CNTNAP5: variants seen among roughly 807,000 people sequenced by gnomAD.
CNTNAP5 encodes contactin associated protein family member 5.
A neutral mutation model predicts 150.2 loss-of-function variants in CNTNAP5; 72 were observed. The observed-to-expected ratio is 0.48, with a 90% CI of 0.40 to 0.58. The LOEUF is 0.58. CNTNAP5 is among the 20% of genes least tolerant of loss of function. CNTNAP5 has a pLI of 0.00. For synonymous variants in CNTNAP5, 672 were observed against 619.8 expected (o/e 1.08, Z -1.25); for missense variants, 1,636 against 1,626.2 (o/e 1.01, Z -0.10).
rs562607153 is a variant in CNTNAP5 at position 124,250,208 on chromosome 2, G to A, written c.381+7815G>A. Reference sequence around the variant, plus strand: ...TGTCCCACAGAACATGTCAAGGCAAGGCCTACTGGGCTCCGCCTGCAGAAA... The same window carrying A: ...TGTCCCACAGAACATGTCAAGGCAAAGCCTACTGGGCTCCGCCTGCAGAAA... On this transcript the variant is annotated intron_variant, in intron 3 of 23. Transcript: ENST00000682447. Among the ~76,000 whole-genome samples, 17 of 152,244 alleles carry A rather than the reference G, an allele frequency of 1.1e-4. No individual in the cohort carries two copies. The South Asian group carries it at 3.5e-3, about 32-fold the overall frequency.
intron 3 of CNTNAP5, among the ~76,000 whole-genome samples, chr2:124,387,486 A>T (rs1690960199): frequency 6.6e-6 from 1 of 152,198 alleles, no homozygotes; most frequent in Non-Finnish European, 1.5e-5. Context: ...ATGGATTATC[A>T]TTAGTTCTTA....
chr2:124,800,557 C>T (rs972213291), intron 19 of CNTNAP5, among the ~76,000 whole-genome samples: 2 of 152,144 alleles, frequency 1.3e-5, no homozygotes, highest in African/African-American at 2.4e-5. Context: ...AGTCTGGTGG[C>T]ATATTCTGTA....
At chr2:124,478,699 C>T (rs1234964512) in intron 7 of CNTNAP5, among the ~76,000 whole-genome samples, 2 of 152,178 alleles carry the variant, frequency 1.3e-5, no homozygotes, top group Non-Finnish European at 2.9e-5. Context: ...TTTGCTCCAT[C>T]ACTAAGTCAC....
chr2:124,337,723 A>G (rs563266873), intron 3 of CNTNAP5, among the ~76,000 whole-genome samples: 1 of 152,024 alleles, frequency 6.6e-6, no homozygotes, highest in South Asian at 2.1e-4. Flanking sequence ...GTTCTGTTCC[A>G]TTGGTCTATA....
At chr2:124,536,955 C>A (rs1203331768) in intron 10 of CNTNAP5, among the ~76,000 whole-genome samples, 2 of 151,838 alleles carry the variant, frequency 1.3e-5, no homozygotes, top group Non-Finnish European at 2.9e-5. Context: ...ACTTGAGAGA[C>A]CAGACACATT....
chr2:124,064,921 T>G (rs563000524), intron 1 of CNTNAP5, among the ~76,000 whole-genome samples: 23 of 152,128 alleles, frequency 1.5e-4, no homozygotes, highest in Non-Finnish European at 3.1e-4. Context: ...TTGACCCTAG[T>G]GTAGATTGCT....
intron 14 of CNTNAP5, among the ~76,000 whole-genome samples, chr2:124,747,602 C>A (rs1680633286): frequency 7.0e-6 from 1 of 142,652 alleles, no homozygotes; most frequent in African/African-American, 2.7e-5. Flanking sequence ...ATACCATCAG[C>A]TGCTGCTTCT....
At chr2:124,640,809 G>A (rs1203557866) in intron 12 of CNTNAP5, among the ~76,000 whole-genome samples, 1 of 152,076 alleles carries the variant, frequency 6.6e-6, no homozygotes, top group Non-Finnish European at 1.5e-5. Context: ...TTGACTTGGA[G>A]TCAGGTACCA....
intron 1 of CNTNAP5, among the ~76,000 whole-genome samples, chr2:124,127,843 A>T (rs1683748045): frequency 6.6e-6 from 1 of 152,212 alleles, no homozygotes; most frequent in Non-Finnish European, 1.5e-5. Flanking sequence ...TTGCTGGGAA[A>T]ACTGGCTAGC....
chr2:124,715,759 C>T (rs1679931731), intron 13 of CNTNAP5, among the ~76,000 whole-genome samples: 2 of 152,134 alleles, frequency 1.3e-5, no homozygotes, highest in Admixed American at 6.6e-5. Context: ...GGTGACAATA[C>T]TCTCCCGAAA....
At chr2:124,147,442 C>A (rs1196631894) in intron 1 of CNTNAP5, among the ~76,000 whole-genome samples, 1 of 152,138 alleles carries the variant, frequency 6.6e-6, no homozygotes, top group Admixed American at 6.5e-5. Context: ...CACCTGAGTT[C>A]TGGCTAGGGT....
At chr2:124,866,239 G>T (rs989173252) in intron 20 of CNTNAP5, among the ~76,000 whole-genome samples, 1 of 152,126 alleles carries the variant, frequency 6.6e-6, no homozygotes, top group Admixed American at 6.5e-5. Context: ...CAGCCTGGGA[G>T]ACAGAGTGAC....
At chr2:124,467,205 G>A (rs1693398121) in intron 6 of CNTNAP5, among the ~76,000 whole-genome samples, 1 of 152,158 alleles carries the variant, frequency 6.6e-6, no homozygotes, top group South Asian at 2.1e-4. Flanking sequence ...CCTTATGTGA[G>A]TACCTGTGTT....
At chr2:124,138,697 A>T (rs1417277704) in intron 1 of CNTNAP5, among the ~76,000 whole-genome samples, 2 of 152,144 alleles carry the variant, frequency 1.3e-5, no homozygotes, top group Non-Finnish European at 2.9e-5. Flanking sequence ...TTGAGAGAAA[A>T]TCTATTTAAT....
intron 13 of CNTNAP5, among the ~76,000 whole-genome samples, chr2:124,694,593 T>C (rs1235240601): frequency 6.6e-6 from 1 of 152,200 alleles, no homozygotes; most frequent in Non-Finnish European, 1.5e-5. Context: ...CCTAGTGTTT[T>C]AATGGTAATG....
At chr2:124,694,726 G>C (rs573659458) in intron 13 of CNTNAP5, among the ~76,000 whole-genome samples, 1 of 152,250 alleles carries the variant, frequency 6.6e-6, no homozygotes, top group East Asian at 1.9e-4. Context: ...TATTCTTACT[G>C]TACATTCCAC....
intron 13 of CNTNAP5, chr2:124,680,764 CATT>C (rs765603101): frequency 2.6e-5 from 4 of 151,878 alleles, no homozygotes; most frequent in Admixed American, 2.0e-4. Context: ...TACATATAAA[CATT>C]GTTGTAAGGA....
At chr2:124,208,375 A>T (rs563606411) in intron 1 of CNTNAP5, among the ~76,000 whole-genome samples, 2 of 152,336 alleles carry the variant, frequency 1.3e-5, no homozygotes, top group African/African-American at 4.8e-5. Context: ...TATTTCCAAA[A>T]TTCATATAAG....
chr2:124,733,431 T>C (rs936680337), intron 13 of CNTNAP5, among the ~76,000 whole-genome samples: 5 of 152,068 alleles, frequency 3.3e-5, no homozygotes, highest in Admixed American at 1.3e-4. Context: ...AAAAAGGGCT[T>C]TGAAAAAGAA....
Sources: gnomAD v4.1 joint callset for allele counts (sites outside exome capture counted in the v4.1 genomes callset) on GRCh38, gnomAD v4.1.1 for gene constraint, MANE v1.5 for transcripts, NCBI Gene and HGNC (gene_info 2026-07-23, HGNC 2026-07-21) for gene names.